EFCAB6: variants seen among roughly 807,000 people sequenced by gnomAD.
EFCAB6 encodes the protein EF-hand calcium-binding domain-containing protein 6.
EFCAB6 carries 156 observed loss-of-function variants against 169.8 expected under a neutral mutation model. That is an observed-to-expected ratio of 0.92 (90% CI 0.81 to 1.05). The LOEUF is 1.05. Ranked by LOEUF, EFCAB6 falls within the 50% of genes least tolerant of loss-of-function variation. The pLI is 0.00. For synonymous variants in EFCAB6, 698 were observed against 676.4 expected, an observed-to-expected ratio of 1.03 and a Z score of -0.50; for missense variants, 1,800 against 1,829.1, an observed-to-expected ratio of 0.98 and a Z score of 0.29.
chr22:43,666,783 C>G (rs1344722937), intron 17 of EFCAB6, among the ~76,000 whole-genome samples: 2 of 139,544 alleles, frequency 1.4e-5, no homozygotes, highest in Non-Finnish European at 3.0e-5. Context: ...GGCCGAGTGG[C>G]TTTGTACTCT....
intron 2 of EFCAB6, among the ~76,000 whole-genome samples, chr22:43,784,624 C>CATATATATACAT (rs1180826131): frequency 1.7e-5 from 1 of 60,326 alleles, no homozygotes; most frequent in African/African-American, 7.1e-5. Flanking sequence ...TATATATACA[C>CATATATATACAT]ATATATATGT....
chr22:43,655,288 A>G (rs2148096855), intron 17 of EFCAB6, among the ~76,000 whole-genome samples: 2 of 152,218 alleles, frequency 1.3e-5, no homozygotes, highest in South Asian at 4.2e-4. Flanking sequence ...ATACATGTAA[A>G]ATTAAAATGC....
chr22:43,740,635 G>C (rs949344011), intron 6 of EFCAB6, among the ~76,000 whole-genome samples: 7 of 152,172 alleles, frequency 4.6e-5, no homozygotes, highest in African/African-American at 1.7e-4. Flanking sequence ...GAGAACAGCT[G>C]ACAACCAAAG....
intron 17 of EFCAB6, among the ~76,000 whole-genome samples, chr22:43,636,028 C>T (rs572735094): frequency 2.3e-3 from 344 of 152,294 alleles, no homozygotes; most frequent in Non-Finnish European, 3.2e-3. Flanking sequence ...TCAGAGTATT[C>T]ACAATCCAAA....
chr22:43,717,350 A>T (rs1006026031), intron 8 of EFCAB6, among the ~76,000 whole-genome samples: 4 of 151,830 alleles, frequency 2.6e-5, no homozygotes, highest in Non-Finnish European at 4.4e-5. Context: ...GTTTGACAAC[A>T]TAAATACTTG....
chr22:43,699,884 G>A (rs1424490627), intron 10 of EFCAB6, among the ~76,000 whole-genome samples: 1 of 152,120 alleles, frequency 6.6e-6, no homozygotes. Context: ...AGCGTGAATG[G>A]GAACATTCTT....
rs1461204485 is a variant in EFCAB6 at position 43,806,461 on chromosome 22, G to A, written c.-8+2534C>T. On this transcript the variant is annotated intron_variant, in intron 2 of 31. Coordinates refer to ENST00000262726, the MANE Select transcript of EFCAB6 (RefSeq NM_022785.4). ...GGGTTTCACCATGTTACCCAGGCTG[G>A]TCTCGAATTTCTGGGCTCAAGTGAT... Among the ~76,000 whole-genome samples, 5 of 151,990 alleles carry A rather than the reference G, an allele frequency of 3.3e-5. No individual in the cohort carries two copies. The South Asian group carries it at 6.3e-4, about 19-fold the overall frequency.
intron 19 of EFCAB6, among the ~76,000 whole-genome samples, chr22:43,627,596 CG>C (rs909114298): frequency 7.5e-4 from 114 of 152,304 alleles, no homozygotes; most frequent in Middle Eastern, 3.4e-3. Flanking sequence ...AGGCTCTGCC[CG>C]GGGCCAATGC....
chr22:43,757,471 C>T (rs377288276), intron 5 of EFCAB6, among the ~76,000 whole-genome samples: 8 of 151,818 alleles, frequency 5.3e-5, no homozygotes, highest in East Asian at 3.9e-4. Flanking sequence ...CACTTGAACC[C>T]GGGAGGCAGA....
intron 21 of EFCAB6, among the ~76,000 whole-genome samples, chr22:43,609,796 TA>T (rs2053178155): frequency 6.6e-6 from 1 of 152,192 alleles, no homozygotes; most frequent in African/African-American, 2.4e-5. Context: ...ACCAATTAAT[TA>T]AGATGTATCA....
chr22:43,760,465 G>A (rs1458674955), intron 5 of EFCAB6, among the ~76,000 whole-genome samples: 5 of 152,240 alleles, frequency 3.3e-5, no homozygotes, highest in Middle Eastern at 3.4e-3. Context: ...TGTCTAGATA[G>A]GCATTTCTTT....
intron 6 of EFCAB6, among the ~76,000 whole-genome samples, chr22:43,742,776 A>G (rs2060421300): frequency 6.6e-6 from 1 of 152,038 alleles, no homozygotes; most frequent in African/African-American, 2.4e-5. Flanking sequence ...CCCTCCCGGC[A>G]CCCCCACTGC....
intron 6 of EFCAB6, among the ~76,000 whole-genome samples, chr22:43,750,417 C>A (rs1455060780): frequency 6.6e-6 from 1 of 152,110 alleles, no homozygotes; most frequent in Non-Finnish European, 1.5e-5. Context: ...GGCTTTTCTG[C>A]GGGGAGGAAA....
At position 43,572,922 on chromosome 22, in the gene EFCAB6, C is replaced by T. The variant is rs754905122; in HGVS notation, c.3420+3375G>A. Among the ~76,000 whole-genome samples, 2 of 152,160 alleles carry T rather than the reference C, an allele frequency of 1.3e-5. No individual in the cohort carries two copies. The highest frequency in any genetic ancestry group is 6.5e-5 in the Admixed American group (1 of 15,282). ...TCATGAGAGAGTGAATGAACCCACA[C>T]GATGGAATGGCACATGCTAGATGGA... On this transcript the variant is annotated intron_variant, in intron 26 of 31. Coordinates refer to ENST00000262726, the MANE Select transcript of EFCAB6 (RefSeq NM_022785.4). This position sits in a 1 kb window ranked among gnomAD's most constrained non-coding sequence, Gnocchi z 4.0.
intron 17 of EFCAB6, among the ~76,000 whole-genome samples, chr22:43,643,828 C>CTT (rs928737372): frequency 2.7e-5 from 4 of 146,010 alleles, no homozygotes; most frequent in Non-Finnish European, 6.1e-5. Flanking sequence ...AGCATTTGTT[C>CTT]TTTTTTTTTT....
intron 21 of EFCAB6, among the ~76,000 whole-genome samples, chr22:43,610,942 C>A (rs2053256806): frequency 6.6e-6 from 1 of 152,286 alleles, no homozygotes; most frequent in East Asian, 1.9e-4. Context: ...ACTGGAGAGA[C>A]AGACAGGTGA....
At chr22:43,603,383 A>G (rs1193621013) in intron 22 of EFCAB6, among the ~76,000 whole-genome samples, 2 of 152,254 alleles carry the variant, frequency 1.3e-5, no homozygotes, top group African/African-American at 4.8e-5. Context: ...TGAATTTTCA[A>G]ATGGTTCAGC....
chr22:43,664,379 G>A, intron 17 of EFCAB6, among the ~76,000 whole-genome samples: 1 of 152,224 alleles, frequency 6.6e-6, no homozygotes, highest in East Asian at 1.9e-4. Context: ...CTACACAAAA[G>A]AGATCAAATG....
At chr22:43,564,473 G>A (rs1010761369) in intron 26 of EFCAB6, among the ~76,000 whole-genome samples, 1 of 141,148 alleles carries the variant, frequency 7.1e-6, no homozygotes, top group Non-Finnish European at 1.6e-5. Context: ...AAAAAAAAAA[G>A]AAGGTGCTGT....
Sources: gnomAD v4.1 joint callset for allele counts (sites outside exome capture counted in the v4.1 genomes callset) on GRCh38, gnomAD v4.1.1 for gene constraint, Gnocchi (gnomAD v3.1) non-coding constraint, MANE v1.5 for transcripts, NCBI Gene and HGNC (gene_info 2026-07-23, HGNC 2026-07-21) for gene names.